The following ADGRG4 variants were observed in gnomAD, a reference collection of about 807,000 sequenced individuals.
ADGRG4 encodes the protein adhesion G protein-coupled receptor G4, also known as G protein-coupled receptor 112.
In ADGRG4, 122 loss-of-function variants were observed where a neutral mutation model predicts 126.2. That is an observed-to-expected ratio of 0.97 (90% CI 0.83 to 1.12). ADGRG4 has a LOEUF of 1.12. ADGRG4 is among the 50% of genes most tolerant of loss of function. The pLI, the probability that ADGRG4 is intolerant of heterozygous loss-of-function variation, is 0.00. For missense variants in ADGRG4, 2,481 were observed against 2,251.8 expected (o/e 1.10, Z -2.06); for synonymous variants, 943 against 838.7 (o/e 1.12, Z -2.15).
chrX:136,331,565 C>T (rs2074910044), intron 5 of ADGRG4, among the ~76,000 whole-genome samples: 1 of 112,191 alleles, frequency 8.9e-6, no homozygotes, highest in Non-Finnish European at 1.9e-5. Context: ...AGTTTCTCAG[C>T]ATCTTTGCCA....
intron 3 of ADGRG4, among the ~76,000 whole-genome samples, chrX:136,307,780 C>T (rs1313307484): frequency 8.9e-6 from 1 of 112,566 alleles, no homozygotes; most frequent in Non-Finnish European, 1.9e-5. Context: ...CATCAGCACC[C>T]TACTGCCAAT....
chrX:136,305,944 T>C (rs766332577), intron 3 of ADGRG4: 1 of 111,643 alleles, frequency 9.0e-6, no homozygotes, highest in East Asian at 2.8e-4. Context: ...CCCCATGACG[T>C]GCTACAAGCC....
intron 13 of ADGRG4, among the ~76,000 whole-genome samples, chrX:136,367,075 G>A (rs190713628): frequency 2.7e-5 from 3 of 111,563 alleles, no homozygotes; most frequent in Non-Finnish European, 3.8e-5. Context: ...CAGGAAATGA[G>A]TTCTCACCAG....
intron 4 of ADGRG4, among the ~76,000 whole-genome samples, chrX:136,318,996 G>T: frequency 8.9e-6 from 1 of 112,618 alleles, no homozygotes; most frequent in East Asian, 2.8e-4. Context: ...CACGCTTCAG[G>T]GGAGCAATCA....
rs763627658 is a variant in ADGRG4, at chrX:136,350,200, C to A, written c.6494C>A (p.Pro2165His). The A allele has an allele frequency of 9.1e-6, 11 of 1,207,201 alleles. No homozygotes were observed. Among genetic ancestry groups the A allele is most frequent in the Non-Finnish European group, 1.1e-5 (10 of 892,919 alleles). The stretch of plus-strand genomic sequence containing the variant: ...AACAGAATTCCAACTGCATCATCAC[C>A]CTCTACTTTAATTATTCCTAAGCCC... ...SWNRIPTASSPSTLIIPKPTL... is the reference protein window; with the variant it reads ...SWNRIPTASSHSTLIIPKPTL... The change falls in exon 6 of 26, where the codon CCC (proline) becomes CAC (histidine). Residue 2165 changes from proline (P) to histidine (H), a missense_variant. Physicochemically the swap from Pro to His is moderately conservative, Grantham distance 77. Transcript: ENST00000394143.
chrX:136,318,092 G>T (rs1311936293), intron 4 of ADGRG4, among the ~76,000 whole-genome samples: 1 of 112,447 alleles, frequency 8.9e-6, no homozygotes, highest in Non-Finnish European at 1.9e-5. Flanking sequence ...CAAATGACAT[G>T]CATGTTCATA....
chrX:136,363,568 G>A lies in ADGRG4; in HGVS notation c.7369G>A (p.Asp2457Asn), dbSNP rs777069578. 8.6e-7 allele frequency: 1 copy of A among 1,166,640 alleles called. No homozygotes were observed. Among genetic ancestry groups the A allele is most frequent in the African/African-American group, 1.8e-5 (1 of 56,873 alleles). The change falls in exon 13 of 26, where the codon GAT becomes AAT. Residue 2457 changes from aspartate (D) to asparagine (N), a missense_variant. Transcript: ENST00000394143. ...LLQELPDKIV[D>N]LANITISDEN... Reference sequence around the variant, plus strand: ...TCAAGAACTTCCTGACAAGATTGTGGATCTTGCTAATATTACCATAAGTGA... The same window carrying A: ...TCAAGAACTTCCTGACAAGATTGTGAATCTTGCTAATATTACCATAAGTGA...
At chrX:136,308,740 TG>T (rs746133878) in intron 3 of ADGRG4, 28 bp from the exon 4 acceptor site, 1 of 778,312 alleles carries the variant, frequency 1.3e-6, no homozygotes, top group South Asian at 2.1e-5. Flanking sequence ...ATATCTGAGC[TG>T]GGCATATTTT....
At chrX:136,409,032 A>C (rs1228033253) in intron 23 of ADGRG4, among the ~76,000 whole-genome samples, 1 of 94,130 alleles carries the variant, frequency 1.1e-5, no homozygotes, top group Admixed American at 1.3e-4. Flanking sequence ...TTCAGAGCTC[A>C]GAGTTTCAAA....
Position 136,316,654 on chromosome X carries a change from G to C in ADGRG4, c.71-6124G>C, listed in dbSNP as rs1466076082. 2.7e-5 allele frequency among the ~76,000 whole-genome samples: 3 copies of C among 111,235 alleles called. No homozygotes were observed. The East Asian group carries it at 8.5e-4, about 31-fold the overall frequency. On this transcript the variant is annotated intron_variant, in intron 4 of 25. Transcript: ENST00000394143. Reference sequence around the variant, plus strand: ...GGCTAATTTTTTTATTTTTAGTAGAGATGGGGTTTCGCCATGTTGGCCAGG... The same window carrying C: ...GGCTAATTTTTTTATTTTTAGTAGACATGGGGTTTCGCCATGTTGGCCAGG...
At chrX:136,393,703 C>T (rs751349979) in intron 18 of ADGRG4, 123 bp downstream of exon 18, 1 of 478,594 alleles carries the variant, frequency 2.1e-6, no homozygotes, top group African/African-American at 2.5e-5. Context: ...TCTGAATGAC[C>T]AAGATACAGG....
At chrX:136,380,544 CTCTTCT>C (rs750586223) in intron 15 of ADGRG4, among the ~76,000 whole-genome samples, 15 of 103,453 alleles carry the variant, frequency 1.4e-4, no homozygotes, top group South Asian at 4.3e-4. Flanking sequence ...CCTCCTCCTC[CTCTTCT>C]TCTTCTTCTT....
intron 15 of ADGRG4, among the ~76,000 whole-genome samples, chrX:136,376,643 G>GTATTGTATTGTATTT (rs2148484057): frequency 2.1e-5 from 2 of 93,211 alleles, no homozygotes; most frequent in African/African-American, 8.2e-5. Flanking sequence ...GTATTGTATT[G>GTATTGTATTGTATTT]TATTGTATTG....
At chrX:136,303,284 C>A (rs2074713830) in intron 1 of ADGRG4, among the ~76,000 whole-genome samples, 1 of 109,602 alleles carries the variant, frequency 9.1e-6, no homozygotes, top group Admixed American at 9.8e-5. Flanking sequence ...AAGATGCTAT[C>A]TCTACAAAAA....
chrX:136,370,674 T>C (rs2075187037), intron 13 of ADGRG4, among the ~76,000 whole-genome samples: 1 of 111,825 alleles, frequency 8.9e-6, no homozygotes, highest in African/African-American at 3.2e-5. Context: ...AGTGGAAGTG[T>C]AGAGAAAATG....
At chrX:136,303,922 G>A (rs895551418) in intron 1 of ADGRG4, among the ~76,000 whole-genome samples, 3 of 110,937 alleles carry the variant, frequency 2.7e-5, no homozygotes, top group Non-Finnish European at 5.7e-5. Flanking sequence ...GTTGCAACAA[G>A]TCAATCAGCT....
intron 11 of ADGRG4, 66 bp from the exon 12 acceptor site, chrX:136,361,389 A>G: frequency 4.0e-6 from 2 of 498,937 alleles, no homozygotes; most frequent in Middle Eastern, 1.2e-3. Context: ...TAATAATAAT[A>G]ATGGATGTTT....
At chrX:136,315,146 G>T (rs1351151836) in intron 4 of ADGRG4, among the ~76,000 whole-genome samples, 1 of 110,222 alleles carries the variant, frequency 9.1e-6, no homozygotes, top group African/African-American at 3.3e-5. Context: ...GATTAGCCTG[G>T]TTACAAGACC....
At chrX:136,301,198 C>T (rs1472267207) in intron 1 of ADGRG4, among the ~76,000 whole-genome samples, 198 bp downstream of exon 1, 1 of 112,111 alleles carries the variant, frequency 8.9e-6, no homozygotes, top group Admixed American at 9.5e-5. Flanking sequence ...TTTACAGTCC[C>T]ACCAACAGTG....
Sources: allele counts gnomAD v4.1 joint callset (sites outside exome capture counted in the v4.1 genomes callset), GRCh38; gene constraint gnomAD v4.1.1; transcripts MANE v1.5; gene names NCBI Gene and HGNC (gene_info 2026-07-23, HGNC 2026-07-21).